The following GPT2 variants were observed in gnomAD, a reference collection of about 807,000 sequenced individuals.
The protein encoded by GPT2 is glutamic--pyruvic transaminase 2.
GPT2 carries 30 observed loss-of-function variants against 56.9 expected under a neutral mutation model. The observed-to-expected ratio is 0.53, with a 90% CI of 0.39 to 0.72. The LOEUF is 0.72. Among genes scored for constraint, GPT2 ranks in the 30% least tolerant of loss-of-function variants. The probability of loss-of-function intolerance (pLI) is 0.00; values close to 1 mark genes in which losing one functional copy is unlikely to be tolerated. For synonymous variants in GPT2, 271 were observed against 283.1 expected (o/e 0.96, Z 0.43); for missense variants, 542 against 703.4 (o/e 0.77, Z 2.60).
At chr16:46,916,764 G>A (rs1198647059) in intron 7 of GPT2, 57 bp downstream of exon 7, 1 of 1,197,554 alleles carries the variant, frequency 8.4e-7, no homozygotes, top group East Asian at 2.3e-5. Flanking sequence ...TAGAGGGAGG[G>A]ACCCAGCCCC....
At chr16:46,901,447 C>T (rs536592576) in intron 4 of GPT2, among the ~76,000 whole-genome samples, 16 of 152,294 alleles carry the variant, frequency 1.1e-4, no homozygotes, top group African/African-American at 2.2e-4. Flanking sequence ...CCCTCCCCTG[C>T]GGTGATGGAG....
intron 9 of GPT2, 64 bp downstream of exon 9, chr16:46,922,480 G>C: frequency 6.8e-7 from 1 of 1,472,136 alleles, no homozygotes; most frequent in South Asian, 1.3e-5. Flanking sequence ...TGCTGGGCCA[G>C]TGGCCAGCCT....
chr16:46,906,468 A>G (rs1596871187), intron 4 of GPT2, among the ~76,000 whole-genome samples: 1 of 152,356 alleles, frequency 6.6e-6, no homozygotes, highest in South Asian at 2.1e-4. Context: ...AGTGACTGAC[A>G]TTGTCACAGA....
intron 10 of GPT2, among the ~76,000 whole-genome samples, chr16:46,925,310 C>T (rs796379868): frequency 7.9e-4 from 120 of 152,174 alleles, no homozygotes; most frequent in African/African-American, 2.8e-3. Context: ...CAAGCTCGGC[C>T]TCCCGGGTTC....
chr16:46,900,846 G>A lies in GPT2; in HGVS notation c.442+56G>A, dbSNP rs1382265816. ...GTGAAATGAATGAGTGTTCCCAGGC[G>A]GCCCCAGCCTCAAGCGGAGGGTCCT... On this transcript the variant is annotated intron_variant, in intron 4 of 11. Coordinates refer to ENST00000340124, the MANE Select transcript of GPT2 (RefSeq NM_133443.4). The A allele has an allele frequency of 2.2e-5, 32 of 1,463,932 alleles. No homozygotes were observed. The South Asian group carries it at 2.4e-4, about 11-fold the overall frequency. 90.7% of individuals were successfully genotyped at this position (1,463,932 alleles called of 1,614,324 possible).
At chr16:46,897,558 T>C in intron 2 of GPT2, 90 bp from the exon 3 acceptor site, 2 of 1,208,132 alleles carry the variant, frequency 1.7e-6, no homozygotes, top group Non-Finnish European at 1.2e-6. Context: ...TAGGGCTGTT[T>C]ATTAATATCC....
chr16:46,914,831 G>A (rs1364824427), intron 6 of GPT2, among the ~76,000 whole-genome samples: 1 of 152,166 alleles, frequency 6.6e-6, no homozygotes, highest in East Asian at 1.9e-4. Flanking sequence ...CAGCCAATGC[G>A]AGTCTCTTCA....
intron 11 of GPT2, 58 bp downstream of exon 11, chr16:46,927,095 C>T (rs1961433221): frequency 1.8e-6 from 2 of 1,090,022 alleles, no homozygotes; most frequent in East Asian, 4.9e-5. Context: ...GAAATGTGGA[C>T]TTCTTGACAT....
In GPT2 at chr16:46,924,466, T is replaced by C. The variant is rs1319087487; in HGVS notation, c.1290T>C (p.Ile430=). Residue 430 remains isoleucine (I), a synonymous_variant, in exon 10 of 12, where the codon ATT becomes ATC. Coordinates refer to ENST00000340124, the MANE Select transcript of GPT2 (RefSeq NM_133443.4). The stretch of plus-strand genomic sequence containing the variant: ...ACCTGTTTAACCAAGTCCCAGGAAT[T>C]CACTGCAACCCCTTGCAGGGGGCCA... The part of the protein sequence containing the change: ...TEDLFNQVPG[I]HCNPLQGAMY... 3 of 1,614,080 alleles carry C rather than the reference T, an allele frequency of 1.9e-6. No individual in the cohort carries two copies. In the African/African-American group the frequency reaches 4.0e-5, roughly 22 times the overall value.
At chr16:46,896,127 T>C (rs947764382) in intron 2 of GPT2, among the ~76,000 whole-genome samples, 16 of 152,346 alleles carry the variant, frequency 1.1e-4, no homozygotes, top group African/African-American at 3.8e-4. Flanking sequence ...ATTTGTACTC[T>C]GCTAAGGGCT....
chr16:46,898,915 C>T (rs1249796971), intron 3 of GPT2, among the ~76,000 whole-genome samples: 13 of 143,074 alleles, frequency 9.1e-5, no homozygotes, highest in South Asian at 4.3e-4. Flanking sequence ...TATATATACA[C>T]ACACATATAT....
At chr16:46,928,783 T>C (rs1256951087) in intron 11 of GPT2, 124 bp from the exon 12 acceptor site, 1 of 714,396 alleles carries the variant, frequency 1.4e-6, no homozygotes, top group African/African-American at 1.7e-5. Context: ...CTGTCCGGGC[T>C]GGAGCTGTCG....
intron 6 of GPT2, among the ~76,000 whole-genome samples, 178 bp downstream of exon 6, chr16:46,910,105 G>T (rs895829900): frequency 6.6e-6 from 1 of 152,184 alleles, no homozygotes. Context: ...AGTAGGCCAG[G>T]TGCGGTGGCC....
At chr16:46,915,267 TACC>T (rs1961122071) in intron 6 of GPT2, 1 of 151,894 alleles carries the variant, frequency 6.6e-6, no homozygotes, top group Admixed American at 6.6e-5. Flanking sequence ...AGCACAGACA[TACC>T]ACACACACAC....
chr16:46,894,707 C>G (rs1175561383), intron 2 of GPT2, among the ~76,000 whole-genome samples: 1 of 152,002 alleles, frequency 6.6e-6, no homozygotes, highest in Admixed American at 6.5e-5. Flanking sequence ...GCTCTGTCGC[C>G]CAGGCTGGAG....
chr16:46,893,153 C>T (rs764649703), intron 2 of GPT2, among the ~76,000 whole-genome samples: 4 of 151,976 alleles, frequency 2.6e-5, no homozygotes, highest in Non-Finnish European at 5.9e-5. Flanking sequence ...TTTTTTGAGT[C>T]GGAGTCTTGC....
intron 4 of GPT2, among the ~76,000 whole-genome samples, chr16:46,904,662 G>A (rs983949775): frequency 4.6e-5 from 7 of 152,136 alleles, no homozygotes; most frequent in African/African-American, 1.4e-4. Flanking sequence ...ATGGGTGAAG[G>A]CCTGGGTGTT....
rs770074864 is a variant in GPT2, at chr16:46,922,329, G to A, written c.1125G>A (p.Leu375=). The A allele has an allele frequency of 6.2e-7, 1 of 1,614,158 alleles. No homozygotes were observed. Among genetic ancestry groups the A allele is most frequent in the African/African-American group, 1.3e-5 (1 of 75,066 alleles). ...GQLVKLLSVR[L]CPPVSGQAAM... is the part of the protein sequence containing the mutation. ...TGGTGAAGCTGCTGTCGGTGCGCCTGTGCCCCCCAGTGTCTGGGCAGGCCG... is the reference window on the plus strand; with the variant it reads ...TGGTGAAGCTGCTGTCGGTGCGCCTATGCCCCCCAGTGTCTGGGCAGGCCG... Residue 375 remains leucine, a synonymous_variant, in exon 9 of 12, where the codon CTG becomes CTA. Transcript: ENST00000340124.
chr16:46,918,822 C>G, intron 8 of GPT2, 65 bp downstream of exon 8: 1 of 1,584,272 alleles, frequency 6.3e-7, no homozygotes, highest in South Asian at 1.1e-5. Context: ...GCCGGCTCCT[C>G]TGCCCTGCCC....
Sources: allele counts gnomAD v4.1 joint callset (sites outside exome capture counted in the v4.1 genomes callset), GRCh38; gene constraint gnomAD v4.1.1; transcripts MANE v1.5; gene names NCBI Gene and HGNC (gene_info 2026-07-23, HGNC 2026-07-21).